The following CCDC102B variants were observed in gnomAD, a reference collection of about 807,000 sequenced individuals.
The protein encoded by CCDC102B is coiled-coil domain containing 102B.
A neutral mutation model predicts 57.4 loss-of-function variants in CCDC102B; 75 were observed. The ratio of observed to expected loss-of-function variants is 1.31; its 90% CI spans 1.08 to 1.58. The LOEUF (loss-of-function observed/expected upper bound fraction) is 1.58, where lower values mean the gene tolerates loss of function less well. CCDC102B is among the 40% of genes most tolerant of loss of function. The pLI is 0.00. For synonymous variants in CCDC102B, 206 were observed against 201.9 expected (o/e 1.02, Z -0.17); for missense variants, 636 against 582.6 (o/e 1.09, Z -0.94).
At chr18:68,876,222 G>A (rs11873227) in intron 5 of CCDC102B, among the ~76,000 whole-genome samples, 47,836 of 151,992 alleles carry the variant, frequency 0.31, 7,836 homozygotes, top group Non-Finnish European at 0.35. Flanking sequence ...TTAGTTCTGC[G>A]AATATTGTAT....
Position 68,874,681 on chromosome 18 carries a change from C to G in CCDC102B, c.949C>G (p.Leu317Val). The G allele has an allele frequency of 6.2e-7, 1 of 1,606,790 alleles. No individual in the cohort carries two copies. Among genetic ancestry groups the G allele is most frequent in the African/African-American group, 1.3e-5 (1 of 74,824 alleles). Residue 317 changes from leucine (L) to valine (V), a missense_variant, in exon 5 of 8, where the codon CTT (leucine) becomes GTT (valine). Transcript: ENST00000360242. The part of the protein sequence containing the change: ...PKNVKEFDIL[L>V]GQHNDEMQEL... Reference sequence around the variant, plus strand: ...CTTTCTTTTTCAGTTTGACATTCTTCTTGGTCAACATAATGATGAAATGCA... The same window carrying G: ...CTTTCTTTTTCAGTTTGACATTCTTGTTGGTCAACATAATGATGAAATGCA...
At chr18:68,974,462 T>C (rs1478569856) in intron 6 of CCDC102B, among the ~76,000 whole-genome samples, 1 of 152,068 alleles carries the variant, frequency 6.6e-6, no homozygotes, top group Non-Finnish European at 1.5e-5. Flanking sequence ...CACTAAGATA[T>C]TATTTTAATA....
At chr18:68,921,763 G>A (rs2041291479) in intron 6 of CCDC102B, among the ~76,000 whole-genome samples, 1 of 152,182 alleles carries the variant, frequency 6.6e-6, no homozygotes, top group African/African-American at 2.4e-5. Flanking sequence ...CTCTGCCACA[G>A]CTTGAATGAT....
chr18:68,888,039 T>A (rs188967359), intron 5 of CCDC102B, among the ~76,000 whole-genome samples: 6 of 152,306 alleles, frequency 3.9e-5, no homozygotes, highest in Admixed American at 3.3e-4. Context: ...GGTATCATGA[T>A]GAATGTCACT....
chr18:68,827,501 A>G (rs1472619171), intron 1 of CCDC102B, among the ~76,000 whole-genome samples: 1 of 152,078 alleles, frequency 6.6e-6, no homozygotes, highest in Non-Finnish European at 1.5e-5. Context: ...GTGATAAACT[A>G]AAAAATACTG....
At chr18:68,793,848 C>T (rs1370973401), upstream of CCDC102B, among the ~76,000 whole-genome samples, 2 of 152,032 alleles carry the variant, frequency 1.3e-5, no homozygotes, top group African/African-American at 4.8e-5. Flanking sequence ...TTAGCTGTAG[C>T]GTTAACTTTT....
intron 1 of CCDC102B, among the ~76,000 whole-genome samples, chr18:68,818,733 TG>T (rs1172342302): frequency 6.6e-6 from 1 of 152,212 alleles, no homozygotes; most frequent in Admixed American, 6.5e-5. Flanking sequence ...ACAGTAACTA[TG>T]GTAAAATTTT....
At chr18:68,840,213 C>G (rs545292668) in intron 3 of CCDC102B, among the ~76,000 whole-genome samples, 41 of 151,882 alleles carry the variant, frequency 2.7e-4, no homozygotes, top group African/African-American at 9.7e-4. Flanking sequence ...TAGGCAGAAC[C>G]AGAAAAGCAA....
At chr18:68,818,002 A>G (rs2036550695) in intron 1 of CCDC102B, among the ~76,000 whole-genome samples, 1 of 152,224 alleles carries the variant, frequency 6.6e-6, no homozygotes, top group African/African-American at 2.4e-5. Flanking sequence ...AATTTTCATT[A>G]TATATGTTAT....
At chr18:68,855,152 T>TC (rs916834607) in intron 4 of CCDC102B, among the ~76,000 whole-genome samples, 1 of 152,150 alleles carries the variant, frequency 6.6e-6, no homozygotes, top group Non-Finnish European at 1.5e-5. Flanking sequence ...GTAAGCAGCA[T>TC]CACATGTTCA....
intron 6 of CCDC102B, among the ~76,000 whole-genome samples, chr18:68,916,272 C>T (rs989108464): frequency 2.0e-5 from 3 of 152,090 alleles, no homozygotes; most frequent in Non-Finnish European, 4.4e-5. Context: ...ACCTAACACC[C>T]AGTAGACTAC....
intron 7 of CCDC102B, among the ~76,000 whole-genome samples, chr18:69,022,609 G>A (rs2051875801): frequency 6.6e-6 from 1 of 151,896 alleles, no homozygotes; most frequent in Non-Finnish European, 1.5e-5. Flanking sequence ...ACAGTGTCAA[G>A]TTATTTCTTG....
At chr18:68,866,644 A>T (rs568422253) in intron 4 of CCDC102B, 229 of 361,416 alleles carry the variant, frequency 6.3e-4, no homozygotes, top group Non-Finnish European at 1.1e-3. Flanking sequence ...TGGTTCTGGA[A>T]TAAGAACATA....
intron 6 of CCDC102B, among the ~76,000 whole-genome samples, chr18:68,984,175 G>GA (rs201125429): frequency 0.024 from 3,220 of 135,940 alleles, 102 homozygotes; most frequent in African/African-American, 0.079. Context: ...ATGCTCAAAA[G>GA]AAAAAAAAAA....
intron 6 of CCDC102B, among the ~76,000 whole-genome samples, chr18:68,925,623 A>G (rs1296301365): frequency 1.3e-5 from 2 of 152,074 alleles, no homozygotes; most frequent in African/African-American, 4.8e-5. Flanking sequence ...ACTATGGGTC[A>G]ATGCTTTAAG....
At chr18:68,832,303 T>C (rs527756255) in intron 1 of CCDC102B, among the ~76,000 whole-genome samples, 2 of 152,302 alleles carry the variant, frequency 1.3e-5, no homozygotes, top group Non-Finnish European at 1.5e-5. Context: ...GAGACTTTCC[T>C]AAGTACAGAG....
chr18:68,908,656 A>C (rs894965331), intron 6 of CCDC102B: 4 of 152,188 alleles, frequency 2.6e-5, no homozygotes, highest in African/African-American at 7.2e-5. Flanking sequence ...CTTCTTAAAA[A>C]CATAGCATTC....
At chr18:68,880,882 T>C (rs1399915375) in intron 5 of CCDC102B, among the ~76,000 whole-genome samples, 3 of 152,236 alleles carry the variant, frequency 2.0e-5, no homozygotes, top group African/African-American at 7.2e-5. Context: ...ATTTTGACTA[T>C]TGATCTGTTC....
chr18:68,826,766 C>T (rs962041443), intron 1 of CCDC102B, among the ~76,000 whole-genome samples: 1 of 152,094 alleles, frequency 6.6e-6, no homozygotes, highest in Admixed American at 6.6e-5. Flanking sequence ...AATATAATTA[C>T]AAGGTTTGAA....
Sources: allele counts gnomAD v4.1 joint callset (sites outside exome capture counted in the v4.1 genomes callset), GRCh38; gene constraint gnomAD v4.1.1; transcripts MANE v1.5; gene names NCBI Gene and HGNC (gene_info 2026-07-23, HGNC 2026-07-21).